The following XKR4 variants were observed in gnomAD, a reference collection of about 807,000 sequenced individuals.
XKR4 encodes the protein XK-related protein 4.
Under a neutral mutation model 53.9 loss-of-function variants are expected in XKR4, and 12 were observed. The observed-to-expected ratio is 0.22, with a 90% confidence interval of 0.14 to 0.36. The LOEUF is 0.36. Among genes scored for constraint, XKR4 ranks in the 10% least tolerant of loss-of-function variants. XKR4 has a pLI of 1.00. For synonymous variants in XKR4, 354 were observed against 362.4 expected, an observed-to-expected ratio of 0.98 and a Z score of 0.26; for missense variants, 799 against 859.5, an observed-to-expected ratio of 0.93 and a Z score of 0.88.
At chr8:55,103,609 T>TA (rs1017511023) in intron 1 of XKR4, among the ~76,000 whole-genome samples, 4 of 151,924 alleles carry the variant, frequency 2.6e-5, no homozygotes, top group African/African-American at 9.7e-5. Flanking sequence ...TCCCCATTTT[T>TA]AGTGATATTG....
chr8:55,523,155 A>AAG (rs1806824646), intron 2 of XKR4, 126 bp from the exon 3 acceptor site: 1 of 860,638 alleles, frequency 1.2e-6, no homozygotes. Context: ...AAAAAAAAAA[A>AAG]AAAGAAATTA....
At chr8:55,313,717 C>T (rs934919992) in intron 1 of XKR4, among the ~76,000 whole-genome samples, 5 of 152,222 alleles carry the variant, frequency 3.3e-5, no homozygotes, top group Admixed American at 3.3e-4. Context: ...TCAAAAGCAA[C>T]TTCGAGTCAC....
At chr8:55,142,563 G>A (rs906437461) in intron 1 of XKR4, among the ~76,000 whole-genome samples, 3 of 152,144 alleles carry the variant, frequency 2.0e-5, no homozygotes, top group African/African-American at 4.8e-5. Context: ...TATTTCAAGT[G>A]TACCATAGCT....
chr8:55,453,577 C>A (rs1043740414), intron 2 of XKR4: 3 of 388,794 alleles, frequency 7.7e-6, no homozygotes, highest in Non-Finnish European at 1.5e-5. Context: ...CTGTGGTCCT[C>A]CTCCCAGCCT....
chr8:55,213,643 A>G (rs530375758), intron 1 of XKR4, among the ~76,000 whole-genome samples: 2 of 152,284 alleles, frequency 1.3e-5, no homozygotes, highest in African/African-American at 4.8e-5. Flanking sequence ...GGCTGCTGTC[A>G]TCTTTGTTTC....
Position 55,357,670 on chromosome 8 carries a change from C to A in XKR4, c.807-8C>A, listed in dbSNP as rs760826588. 6.2e-7 allele frequency: 1 copy of A among 1,613,846 alleles called. No homozygotes were observed. The highest frequency in any genetic ancestry group is 8.5e-7 in the Non-Finnish European group (1 of 1,179,792). The stretch of plus-strand genomic sequence containing the variant: ...ATCTCTTTCTTATTCTCCATGTTTT[C>A]TTTCTAGATATTTCCACACAATATA... On this transcript the variant is annotated splice_region_variant and splice_polypyrimidine_tract_variant and intron_variant, in intron 1 of 2. Transcript: ENST00000327381.
intron 1 of XKR4, among the ~76,000 whole-genome samples, chr8:55,342,795 CCTGT>C (rs1001818302): frequency 6.6e-6 from 1 of 152,214 alleles, no homozygotes; most frequent in Admixed American, 6.5e-5. Context: ...TACTTTCCTT[CCTGT>C]CTTACTTCAT....
At chr8:55,122,262 A>G (rs1016777450) in intron 1 of XKR4, among the ~76,000 whole-genome samples, 5 of 152,226 alleles carry the variant, frequency 3.3e-5, no homozygotes, top group South Asian at 2.1e-4. Flanking sequence ...TCAGTGTCAC[A>G]TGTCAAAGTA....
At chr8:55,240,166 T>A (rs1188728617) in intron 1 of XKR4, among the ~76,000 whole-genome samples, 1 of 152,196 alleles carries the variant, frequency 6.6e-6, no homozygotes, top group Non-Finnish European at 1.5e-5. Context: ...ACTGAATTAA[T>A]CATATCCTTT....
intron 1 of XKR4, among the ~76,000 whole-genome samples, chr8:55,165,086 A>G (rs1394297281): frequency 1.3e-5 from 2 of 152,216 alleles, no homozygotes; most frequent in South Asian, 4.1e-4. Flanking sequence ...GTCCCATAGA[A>G]CATGGGACAA....
chr8:55,198,100 C>T (rs1356394795), intron 1 of XKR4, among the ~76,000 whole-genome samples: 1 of 152,216 alleles, frequency 6.6e-6, no homozygotes, highest in African/African-American at 2.4e-5. Flanking sequence ...AGCGCAGGAA[C>T]ATCTCTATCA....
At chr8:55,354,351 G>C (rs1361941784) in intron 1 of XKR4, among the ~76,000 whole-genome samples, 5 of 152,194 alleles carry the variant, frequency 3.3e-5, no homozygotes, top group African/African-American at 1.2e-4. Flanking sequence ...CATTAACTAA[G>C]AAACTGAAGG....
chr8:55,126,316 T>C (rs16921177), intron 1 of XKR4, among the ~76,000 whole-genome samples: 4,929 of 152,278 alleles, frequency 0.032, 250 homozygotes, highest in African/African-American at 0.11. Flanking sequence ...TTCTAATGTC[T>C]TGTCCCTGTT....
chr8:55,505,148 A>C (rs1435391418), intron 2 of XKR4, among the ~76,000 whole-genome samples: 1 of 151,980 alleles, frequency 6.6e-6, no homozygotes, highest in African/African-American at 2.4e-5. Context: ...TAGATTATTG[A>C]TTTGAGACCT....
chr8:55,213,010 T>G (rs1184419310), intron 1 of XKR4, among the ~76,000 whole-genome samples: 7 of 152,234 alleles, frequency 4.6e-5, no homozygotes, highest in African/African-American at 7.2e-5. Context: ...TTAGGAATGC[T>G]TCTGTTCTCA....
intron 1 of XKR4, among the ~76,000 whole-genome samples, chr8:55,124,385 A>G (rs948059765): frequency 2.0e-5 from 3 of 152,238 alleles, no homozygotes; most frequent in African/African-American, 7.2e-5. Context: ...AAGGCGGGAC[A>G]AAAGGAGCTG....
chr8:55,201,748 C>T (rs1048792432), intron 1 of XKR4, among the ~76,000 whole-genome samples: 2 of 152,170 alleles, frequency 1.3e-5, no homozygotes, highest in Non-Finnish European at 2.9e-5. Context: ...CAATTGAAAG[C>T]CAATGTTCTG....
intron 2 of XKR4, chr8:55,452,970 A>T (rs1484113970): frequency 2.7e-6 from 2 of 727,980 alleles, no homozygotes; most frequent in Non-Finnish European, 2.5e-6. Context: ...CTCACCGCTC[A>T]GGGATGGCCA....
chr8:55,143,117 C>G (rs1816728089), intron 1 of XKR4, among the ~76,000 whole-genome samples: 1 of 152,180 alleles, frequency 6.6e-6, no homozygotes, highest in African/African-American at 2.4e-5. Flanking sequence ...ATTCTCATTG[C>G]TGTGTAGTAT....
Sources: gnomAD v4.1 joint callset for allele counts (sites outside exome capture counted in the v4.1 genomes callset) on GRCh38, gnomAD v4.1.1 for gene constraint, MANE v1.5 for transcripts, NCBI Gene and HGNC (gene_info 2026-07-23, HGNC 2026-07-21) for gene names.